NACC1: variants seen among roughly 807,000 people sequenced by gnomAD.
The protein encoded by NACC1 is nucleus accumbens associated 1.
A neutral mutation model predicts 41.7 loss-of-function variants in NACC1; 6 were observed. That is an observed-to-expected ratio of 0.14 (90% CI 0.08 to 0.28). The LOEUF is 0.28. Among genes scored for constraint, NACC1 ranks in the 10% least tolerant of loss-of-function variants. The pLI, the probability that NACC1 is intolerant of heterozygous loss-of-function variation, is 1.00. For synonymous variants in NACC1, 338 were observed against 330.6 expected (o/e 1.02, Z -0.24); for missense variants, 434 against 763.7 (o/e 0.57, Z 5.09).
chr19:13,137,859 TG>T lies in NACC1; in HGVS notation c.1325-282del, dbSNP rs1296350099. On this transcript the variant is annotated intron_variant, in intron 5 of 5. Transcript: ENST00000292431. This position sits in a 1 kb window ranked among gnomAD's most constrained non-coding sequence, Gnocchi z 6.1. Reference sequence around the variant, plus strand: ...GCCAGACAGTGCTAGCCACTCGTCATGGGGGGCATCTAGATTTTCAAGTGAC... The same window carrying T: ...GCCAGACAGTGCTAGCCACTCGTCATGGGGGCATCTAGATTTTCAAGTGAC... Among the ~76,000 whole-genome samples, 1 of 152,138 alleles carries T rather than the reference TG, an allele frequency of 6.6e-6. No individual in the cohort carries two copies. Among genetic ancestry groups the T allele is most frequent in the Admixed American group, 6.5e-5 (1 of 15,276 alleles).
At chr19:13,129,981 G>A (rs1180870963) in intron 1 of NACC1, among the ~76,000 whole-genome samples, 3 of 152,120 alleles carry the variant, frequency 2.0e-5, no homozygotes, top group East Asian at 1.9e-4. Flanking sequence ...AAGCAGTCCT[G>A]TGCCCGTTCT....
At chr19:13,125,690 G>C (rs1030852090) in intron 1 of NACC1, among the ~76,000 whole-genome samples, 1 of 152,082 alleles carries the variant, frequency 6.6e-6, no homozygotes, top group Non-Finnish European at 1.5e-5. Context: ...AAAGTGCTGG[G>C]ATTACAGGCG....
rs755614345 is a variant in NACC1, at chr19:13,137,388, G to A, written c.1226+12G>A. The A allele has an allele frequency of 1.9e-6, 3 of 1,578,742 alleles. No individual in the cohort carries two copies. Among genetic ancestry groups the A allele is most frequent in the Non-Finnish European group, 2.6e-6 (3 of 1,148,868 alleles). On this transcript the variant is annotated intron_variant, in intron 4 of 5. Transcript: ENST00000292431. The surrounding 1 kb of genome is among the most constrained non-coding windows in gnomAD (Gnocchi z 6.1). ...TCCTTCTTTGACCGGTAAGGCCCTT[G>A]CCAGAGCCCCAGGGAGGGGGGTGGG... is the stretch of plus-strand genomic sequence containing the variant.
At chr19:13,123,921 C>G (rs10401864) in intron 1 of NACC1, among the ~76,000 whole-genome samples, 38 of 152,284 alleles carry the variant, frequency 2.5e-4, no homozygotes, top group Non-Finnish European at 4.7e-4. Flanking sequence ...GGCAGGCAGG[C>G]TCATTTCTTC....
intron 1 of NACC1, among the ~76,000 whole-genome samples, chr19:13,134,597 GGCCTCAAGTGATCCGCCT>G (rs2019675355): frequency 2.0e-5 from 3 of 151,680 alleles, no homozygotes; most frequent in Admixed American, 2.0e-4. Flanking sequence ...TCGAACTCCT[GGCCTCAAGTGATCCGCCT>G]GCCTCAGCCT....
chr19:13,136,008 A>ACTTG lies in NACC1; in HGVS notation c.801_802insCTTG (p.Ser268LeufsTer15), dbSNP rs2019701013. 6.2e-7 allele frequency: 1 copy of ACTTG among 1,613,280 alleles called. No individual in the cohort carries two copies. The highest frequency in any genetic ancestry group is 8.5e-7 in the Non-Finnish European group (1 of 1,179,788). ...CGGAGCGGACCAGCCCAGGCACCTCAAGCGCCTACACCAGCGACAGCCCTG... is the reference window on the plus strand; with the variant it reads ...CGGAGCGGACCAGCCCAGGCACCTCACTTGAGCGCCTACACCAGCGACAGCCCTG... On this transcript the variant is annotated frameshift_variant, in exon 2 of 6. Transcript: ENST00000292431. LOFTEE classifies it high-confidence loss of function. The surrounding 1 kb of genome is among the most constrained non-coding windows in gnomAD (Gnocchi z 5.5).
intron 1 of NACC1, among the ~76,000 whole-genome samples, chr19:13,122,261 G>A (rs187719208): frequency 3.5e-4 from 53 of 152,246 alleles, no homozygotes; most frequent in Middle Eastern, 3.4e-3. Flanking sequence ...TGTCCAGTTC[G>A]TGGTTTCTAA....
Position 13,136,798 on chromosome 19 carries a change from T to G in NACC1, c.1120+393T>G, listed in dbSNP as rs2019713440. Among the ~76,000 whole-genome samples, 1 of 152,110 alleles carries G rather than the reference T, an allele frequency of 6.6e-6. No individual in the cohort carries two copies. Among genetic ancestry groups the G allele is most frequent in the Non-Finnish European group, 1.5e-5 (1 of 68,008 alleles). ...TCCCTTGAGCCCAGGAGGTCAAGGC[T>G]GCAGTGAGCTGTGGTGGCCACTGCA... On this transcript the variant is annotated intron_variant, in intron 3 of 5. Coordinates refer to ENST00000292431, the MANE Select transcript of NACC1 (RefSeq NM_052876.4). The surrounding 1 kb of genome is among the most constrained non-coding windows in gnomAD (Gnocchi z 5.5).
Position 13,138,309 on chromosome 19 carries a change from C to T in NACC1, c.1487C>T (p.Thr496Met), listed in dbSNP as rs2019735082. Residue 496 changes from threonine (T) to methionine (M), a missense_variant, in exon 6 of 6, where the codon ACG becomes ATG. By Grantham distance (81) the Thr-to-Met change is moderately conservative. Transcript: ENST00000292431. The surrounding 1 kb of genome is among the most constrained non-coding windows in gnomAD (Gnocchi z 5.7). ...GCCTACACCACCTTCATCAGTGAAA[C>T]GGGCAAGATCGAGCCGGACATGATG... Reference protein sequence around the residue: ...DDAYTTFISETGKIEPDMMGV... With the variant: ...DDAYTTFISEMGKIEPDMMGV... 8 of 1,614,168 alleles carry T rather than the reference C, an allele frequency of 5.0e-6. No individual in the cohort carries two copies. Among genetic ancestry groups the T allele is most frequent in the African/African-American group, 2.7e-5 (2 of 75,066 alleles).
rs201961947 is a variant in NACC1, at chr19:13,137,430, C to G, written c.1227-48C>G. ...GGGGGTGGGGTTTCCCCATGTCCCCCCCACCACCAACTTGAGCGCTGACTC... is the reference window on the plus strand; with the variant it reads ...GGGGGTGGGGTTTCCCCATGTCCCCGCCACCACCAACTTGAGCGCTGACTC... On this transcript the variant is annotated intron_variant, in intron 4 of 5. Coordinates refer to ENST00000292431, the MANE Select transcript of NACC1 (RefSeq NM_052876.4). The surrounding 1 kb of genome is among the most constrained non-coding windows in gnomAD (Gnocchi z 6.1). 13 of 1,611,514 alleles carry G rather than the reference C, an allele frequency of 8.1e-6. No individual in the cohort carries two copies. In the South Asian group the frequency reaches 9.9e-5, roughly 12 times the overall value.
In NACC1 at chr19:13,139,715, T is replaced by G. The variant is rs906259959; in HGVS notation, c.*1309T>G. 3.3e-5 allele frequency: 5 copies of G among 152,484 alleles called. No individual in the cohort carries two copies. The highest frequency in any genetic ancestry group is 2.6e-4 in the Admixed American group (4 of 15,292). 9.4% of individuals were successfully genotyped at this position (152,484 alleles called of 1,614,324 possible). On this transcript the variant is annotated 3_prime_UTR_variant, in exon 6 of 6. Coordinates refer to ENST00000292431, the MANE Select transcript of NACC1 (RefSeq NM_052876.4). Reference sequence around the variant, plus strand: ...CAGGGCAGGGCCGGGTCCACTTCCATTGTTAGCAGTTGTTTGCAGAATTTT... The same window carrying G: ...CAGGGCAGGGCCGGGTCCACTTCCAGTGTTAGCAGTTGTTTGCAGAATTTT...
At chr19:13,126,435 C>G (rs1385076673) in intron 1 of NACC1, among the ~76,000 whole-genome samples, 1 of 152,174 alleles carries the variant, frequency 6.6e-6, no homozygotes, top group African/African-American at 2.4e-5. Flanking sequence ...ACCATAGCAT[C>G]TGTCGACGGC....
At chr19:13,126,237 G>A (rs984720920) in intron 1 of NACC1, among the ~76,000 whole-genome samples, 18 of 151,730 alleles carry the variant, frequency 1.2e-4, no homozygotes, top group Admixed American at 1.2e-3. Context: ...TAGAGATGGG[G>A]TTTCACCATG....
intron 1 of NACC1, among the ~76,000 whole-genome samples, chr19:13,123,934 C>G (rs1318705583): frequency 6.6e-6 from 1 of 152,160 alleles, no homozygotes; most frequent in Non-Finnish European, 1.5e-5. Flanking sequence ...ATTTCTTCCT[C>G]AGAAACTGTA....
chr19:13,123,357 G>A (rs547125844), intron 1 of NACC1, among the ~76,000 whole-genome samples: 66 of 152,298 alleles, frequency 4.3e-4, no homozygotes, highest in African/African-American at 1.4e-3. Flanking sequence ...CCATGAGGAC[G>A]GAGGCAGAGC....
At chr19:13,124,689 G>T (rs557722840) in intron 1 of NACC1, among the ~76,000 whole-genome samples, 3 of 152,302 alleles carry the variant, frequency 2.0e-5, no homozygotes, top group South Asian at 4.2e-4. Context: ...AGGACTGTGG[G>T]GCTCTCTGGG....
chr19:13,125,606 G>T (rs1045208757), intron 1 of NACC1, among the ~76,000 whole-genome samples: 14 of 151,924 alleles, frequency 9.2e-5, no homozygotes, highest in Non-Finnish European at 1.9e-4. Flanking sequence ...TTTTAGTAGA[G>T]ACGGGGTTTC....
upstream of NACC1, chr19:13,117,446 C>T (rs1266135246): frequency 6.6e-6 from 1 of 152,150 alleles, no homozygotes; most frequent in East Asian, 1.9e-4. Context: ...AGTCTTAGGT[C>T]TTATTGTCGC....
At chr19:13,128,370 T>C (rs1340448794) in intron 1 of NACC1, among the ~76,000 whole-genome samples, 3 of 152,186 alleles carry the variant, frequency 2.0e-5, no homozygotes, top group Non-Finnish European at 4.4e-5. Context: ...CAGGTTCTGG[T>C]GAGGGCTCTC....
Sources: gnomAD v4.1 joint callset for allele counts (sites outside exome capture counted in the v4.1 genomes callset) on GRCh38, gnomAD v4.1.1 for gene constraint, Gnocchi (gnomAD v3.1) non-coding constraint, MANE v1.5 for transcripts, NCBI Gene and HGNC (gene_info 2026-07-23, HGNC 2026-07-21) for gene names.